OR2L2: variants seen among roughly 807,000 people sequenced by gnomAD.
OR2L2 encodes the protein olfactory receptor family 2 subfamily L member 2.
For missense variants in OR2L2, 378 were observed against 375.2 expected (o/e 1.01, Z -0.06); for synonymous variants, 156 against 135.4 (o/e 1.15, Z -1.06).
rs753605286 is a variant in OR2L2, at chr1:248,039,186, A to G, written c.919A>G (p.Ile307Val). ...MGALTQVIQK[I>V]FSVKM Reference sequence around the variant, plus strand: ...GGCCCTGACACAAGTGATTCAGAAAATCTTCTCAGTGAAAATGTAGACATA... The same window carrying G: ...GGCCCTGACACAAGTGATTCAGAAAGTCTTCTCAGTGAAAATGTAGACATA... The change falls in exon 3 of 3, where the codon ATC becomes GTC. Residue 307 changes from isoleucine (I) to valine (V), a missense_variant. Physicochemically the swap from Ile to Val is conservative, Grantham distance 29 (BLOSUM62 3). Transcript: ENST00000641771. 6.2e-6 allele frequency: 10 copies of G among 1,609,504 alleles called. No homozygotes were observed. The highest frequency in any genetic ancestry group is 8.5e-6 in the Non-Finnish European group (10 of 1,177,776).
At chr1:248,036,479 GT>G (rs1280902681) in intron 2 of OR2L2, among the ~76,000 whole-genome samples, 1 of 152,148 alleles carries the variant, frequency 6.6e-6, no homozygotes, top group Non-Finnish European at 1.5e-5. Context: ...GTTTGTGATA[GT>G]TTTAACTCAG....
rs936708134 is a variant in OR2L2, at chr1:248,031,691, A to G, written c.-97+1456A>G. Among the ~76,000 whole-genome samples the G allele has an allele frequency of 3.2e-4, 48 of 152,214 alleles. 1 individual carries two copies. The highest frequency in any genetic ancestry group is 1.3e-4 in the Non-Finnish European group (9 of 68,030). On this transcript the variant is annotated intron_variant, in intron 1 of 2. Coordinates refer to ENST00000641771, the MANE Select transcript of OR2L2 (RefSeq NM_001385855.1). Reference sequence around the variant, plus strand: ...TGATTTTCTTCAAGGTTCCTTCTCTAGAACTTTTAAGTAAACACAAAGTCA... The same window carrying G: ...TGATTTTCTTCAAGGTTCCTTCTCTGGAACTTTTAAGTAAACACAAAGTCA...
intron 2 of OR2L2, among the ~76,000 whole-genome samples, chr1:248,036,026 C>G (rs1662750643): frequency 6.6e-6 from 1 of 152,054 alleles, no homozygotes; most frequent in South Asian, 2.1e-4. Flanking sequence ...TTCTAGAAGA[C>G]AGAATTTTCA....
chr1:248,039,365 T>A lies in OR2L2; in HGVS notation c.*159T>A. On this transcript the variant is annotated 3_prime_UTR_variant, in exon 3 of 3. Transcript: ENST00000641771. ...AGTCTTGACAATATTATAATACATA[T>A]TAATACATATTCTAAGACATCTATT... 1.8e-6 allele frequency: 1 copy of A among 557,284 alleles called. No homozygotes were observed. The highest frequency in any genetic ancestry group is 3.1e-6 in the Non-Finnish European group (1 of 320,546). The allele number at this position is 557,284 out of a possible 1,614,324, so 34.5% of individuals were successfully genotyped here.
In OR2L2 at chr1:248,040,876, T is replaced by C. The variant is rs1370741978; in HGVS notation, c.*1670T>C. ...GAATAATCATTTTCAAACAAGAACA[T>C]TAACATTTGAATAGGAGATACAAAT... On this transcript the variant is annotated 3_prime_UTR_variant, in exon 3 of 3. Coordinates refer to ENST00000641771, the MANE Select transcript of OR2L2 (RefSeq NM_001385855.1). The C allele has an allele frequency of 6.6e-6, 1 of 152,166 alleles. No individual in the cohort carries two copies. The highest frequency in any genetic ancestry group is 1.5e-5 in the Non-Finnish European group (1 of 68,014). The allele number at this position is 152,166 out of a possible 1,614,324, so 9.4% of individuals were successfully genotyped here.
intron 2 of OR2L2, among the ~76,000 whole-genome samples, chr1:248,036,987 GA>G (rs1013847024): frequency 6.6e-6 from 1 of 152,132 alleles, no homozygotes; most frequent in Admixed American, 6.5e-5. Flanking sequence ...CGTATACGGG[GA>G]GAGCTTGAGC....
intron 1 of OR2L2, among the ~76,000 whole-genome samples, chr1:248,032,926 G>T (rs1488285610): frequency 3.3e-5 from 5 of 151,992 alleles, no homozygotes; most frequent in South Asian, 2.1e-4. Context: ...CTATACAGAT[G>T]GTCCAGAAAC....
In OR2L2 at chr1:248,038,977, A is replaced by G. The variant is rs1371847657; in HGVS notation, c.710A>G (p.Tyr237Cys). Residue 237 changes from tyrosine (Y) to cysteine (C), a missense_variant, in exon 3 of 3, where the codon TAT becomes TGT. Tyr to Cys is a radical substitution (Grantham distance 194). Transcript: ENST00000641771. ...MHSAEGRKKA[Y>C]STCSTHLTVV... ...TCTGCAGAAGGGAGGAAGAAGGCCTATTCAACCTGTAGCACCCACCTCACT... is the reference window on the plus strand; with the variant it reads ...TCTGCAGAAGGGAGGAAGAAGGCCTGTTCAACCTGTAGCACCCACCTCACT... 5.0e-6 allele frequency: 8 copies of G among 1,613,978 alleles called. No individual in the cohort carries two copies. Among genetic ancestry groups the G allele is most frequent in the Non-Finnish European group, 2.5e-6 (3 of 1,180,000 alleles).
At chr1:248,036,908 T>C (rs2103094445) in intron 2 of OR2L2, among the ~76,000 whole-genome samples, 1 of 152,280 alleles carries the variant, frequency 6.6e-6, no homozygotes, top group Non-Finnish European at 1.5e-5. Context: ...GATCCCTTCA[T>C]ATGAATGGGA....
intron 1 of OR2L2, among the ~76,000 whole-genome samples, chr1:248,035,226 G>A (rs1395844045): frequency 1.3e-5 from 2 of 151,820 alleles, no homozygotes; most frequent in Admixed American, 6.6e-5. Context: ...CGAGATGGGC[G>A]GATCACGAGG....
At chr1:248,035,982 C>T (rs1430945903) in intron 2 of OR2L2, among the ~76,000 whole-genome samples, 1 of 151,216 alleles carries the variant, frequency 6.6e-6, no homozygotes, top group Non-Finnish European at 1.5e-5. Context: ...TACTATTTCT[C>T]TCAAAAACTT....
rs751909401 is a variant in OR2L2, at chr1:248,038,843, G to A, written c.576G>A (p.Trp192Ter). Residue 192 changes from tryptophan (W) to a stop codon, truncating the protein, a stop_gained, in exon 3 of 3, where the codon TGG (tryptophan) becomes TGA (stop). Transcript: ENST00000641771. LOFTEE classifies it low-confidence loss of function (END_TRUNC). Reference protein sequence around the residue: ...AMLTLACTDTWVYESTVFLSS... With the variant: ...AMLTLACTDT Reference sequence around the variant, plus strand: ...TGACGCTAGCCTGCACAGACACTTGGGTCTATGAGAGCACAGTGTTTTTGA... The same window carrying A: ...TGACGCTAGCCTGCACAGACACTTGAGTCTATGAGAGCACAGTGTTTTTGA... The A allele has an allele frequency of 4.0e-5, 65 of 1,614,020 alleles. No individual in the cohort carries two copies. The highest frequency in any genetic ancestry group is 5.5e-5 in the Non-Finnish European group (65 of 1,179,986).
chr1:248,041,597 T>C lies in OR2L2; in HGVS notation c.*2391T>C, dbSNP rs1662952444. 2 of 152,102 alleles carry C rather than the reference T, an allele frequency of 1.3e-5. No individual in the cohort carries two copies. Among genetic ancestry groups the C allele is most frequent in the Non-Finnish European group, 2.9e-5 (2 of 68,010 alleles). The allele number at this position is 152,102 out of a possible 1,614,324, so 9.4% of individuals were successfully genotyped here. On this transcript the variant is annotated 3_prime_UTR_variant, in exon 3 of 3. Transcript: ENST00000641771. ...AACCTACAGAATGGGAGAAAATTTT[T>C]GCAACCTACTCATCTGACAAAGGGC... is the stretch of plus-strand genomic sequence containing the variant.
chr1:248,032,477 A>G (rs1662644617), intron 1 of OR2L2, among the ~76,000 whole-genome samples: 1 of 152,092 alleles, frequency 6.6e-6, no homozygotes, highest in African/African-American at 2.4e-5. Context: ...ATTGTCTCCA[A>G]CTAAAATTTT....
chr1:248,037,604 T>C (rs553309159), intron 2 of OR2L2, among the ~76,000 whole-genome samples: 1 of 152,286 alleles, frequency 6.6e-6, no homozygotes, highest in East Asian at 1.9e-4. Flanking sequence ...TGTAAGAAAA[T>C]AATTTTTTTC....
intron 1 of OR2L2, among the ~76,000 whole-genome samples, chr1:248,033,206 T>C (rs557207934): frequency 6.6e-6 from 1 of 152,286 alleles, no homozygotes; most frequent in Non-Finnish European, 1.5e-5. Context: ...ACTTTTATGG[T>C]TTTAGCTCTT....
chr1:248,040,020 A>T lies in OR2L2; in HGVS notation c.*814A>T, dbSNP rs1176623806. 1 of 152,152 alleles carries T rather than the reference A, an allele frequency of 6.6e-6. No individual in the cohort carries two copies. Among genetic ancestry groups the T allele is most frequent in the African/African-American group, 2.4e-5 (1 of 41,436 alleles). 9.4% of individuals were successfully genotyped at this position (152,152 alleles called of 1,614,324 possible). On this transcript the variant is annotated 3_prime_UTR_variant, in exon 3 of 3. Transcript: ENST00000641771. ...AGTGGAGTGTGGAGTAGGTTATTTG[A>T]ATCATTTCCCAGTCACGTCACAACA...
At chr1:248,037,289 A>G (rs1397627833) in intron 2 of OR2L2, among the ~76,000 whole-genome samples, 3 of 152,198 alleles carry the variant, frequency 2.0e-5, no homozygotes, top group African/African-American at 7.2e-5. Flanking sequence ...GTTCCTCCAA[A>G]TGAATCATAG....
Position 248,030,206 on chromosome 1 carries a change from T to A in OR2L2, c.-126T>A, listed in dbSNP as rs1170991711. On this transcript the variant is annotated 5_prime_UTR_variant, in exon 1 of 3. The change abolishes the stop of an existing upstream ORF in the 5' untranslated region. Coordinates refer to ENST00000641771, the MANE Select transcript of OR2L2 (RefSeq NM_001385855.1). ...ACTGCCGTCAGCTAAGCAAAGGCACTGAGTGTTTGGAAATGAGGAAATAAT... is the reference window on the plus strand; with the variant it reads ...ACTGCCGTCAGCTAAGCAAAGGCACAGAGTGTTTGGAAATGAGGAAATAAT... 2.0e-5 allele frequency: 3 copies of A among 152,188 alleles called. No homozygotes were observed. In the East Asian group the frequency reaches 5.8e-4, roughly 29 times the overall value. 9.4% of individuals were successfully genotyped at this position (152,188 alleles called of 1,614,324 possible).
Sources: allele counts gnomAD v4.1 joint callset (sites outside exome capture counted in the v4.1 genomes callset), GRCh38; gene constraint gnomAD v4.1.1; transcripts MANE v1.5; gene names NCBI Gene and HGNC (gene_info 2026-07-23, HGNC 2026-07-21).